SUGCT: variants seen among roughly 807,000 people sequenced by gnomAD.
The protein encoded by SUGCT is succinyl-CoA:glutarate-CoA transferase, also known as succinyl-CoA:glutarate CoA-transferase.
SUGCT carries 41 observed loss-of-function variants against 55.0 expected under a neutral mutation model. That is an observed-to-expected ratio of 0.74 (90% CI 0.58 to 0.97). SUGCT has a LOEUF of 0.97. Ranked by LOEUF, SUGCT falls within the 50% of genes least tolerant of loss-of-function variation. The pLI is 0.00. For missense variants in SUGCT, 568 were observed against 547.8 expected (o/e 1.04, Z -0.37); for synonymous variants, 187 against 200.4 (o/e 0.93, Z 0.56).
chr7:41,004,153 AGAG>A, the SUGCT span, among the ~76,000 whole-genome samples: 1 of 152,182 alleles, frequency 6.6e-6, no homozygotes, highest in Non-Finnish European at 1.5e-5. Context: ...ACTGAACAAA[AGAG>A]GAGGGAGAGG....
rs185622835 is a variant in SUGCT at position 40,146,737 on chromosome 7, C to T, written c.100+11617C>T. On this transcript the variant is annotated intron_variant, in intron 1 of 13. Coordinates refer to ENST00000335693, the MANE Select transcript of SUGCT (RefSeq NM_001193313.2). ...TCCAGTGTGGGCATCAAGGCCATCA[C>T]GAGCATGTCACCGTGCTGCAGAGAT... Among the ~76,000 whole-genome samples, 547 of 152,314 alleles carry T rather than the reference C, an allele frequency of 3.6e-3. 2 individuals are homozygous for T. Among genetic ancestry groups the T allele is most frequent in the African/African-American group, 0.011 (460 of 41,582 alleles).
chr7:40,918,642 G>A, the SUGCT span, among the ~76,000 whole-genome samples: 1 of 152,078 alleles, frequency 6.6e-6, no homozygotes, highest in African/African-American at 2.4e-5. Flanking sequence ...GGAACCCACT[G>A]AGTGAGACCA....
chr7:40,478,275 G>T (rs1356163498), intron 11 of SUGCT, among the ~76,000 whole-genome samples: 1 of 152,096 alleles, frequency 6.6e-6, no homozygotes, highest in South Asian at 2.1e-4. Flanking sequence ...CAAAGCACTG[G>T]AATTATGGGC....
At chr7:40,872,192 T>G in the SUGCT span, among the ~76,000 whole-genome samples, 2 of 152,194 alleles carry the variant, frequency 1.3e-5, no homozygotes, top group East Asian at 3.8e-4. Context: ...AGCTAATCCT[T>G]CAGGTGGGAG....
At chr7:40,917,645 G>T in the SUGCT span, among the ~76,000 whole-genome samples, 2,066 of 152,216 alleles carry the variant, frequency 0.014, 48 homozygotes, top group African/African-American at 0.047. Flanking sequence ...AAACAAACTT[G>T]GTGGCTTATA....
At chr7:40,476,387 A>G (rs1306915788) in intron 11 of SUGCT, among the ~76,000 whole-genome samples, 1 of 151,918 alleles carries the variant, frequency 6.6e-6, no homozygotes, top group Admixed American at 6.6e-5. Flanking sequence ...ATTATCTGCC[A>G]TTTTTTTTAA....
intron 12 of SUGCT, among the ~76,000 whole-genome samples, chr7:40,710,501 T>C (rs1419270757): frequency 6.6e-6 from 1 of 152,132 alleles, no homozygotes; most frequent in Admixed American, 6.6e-5. Context: ...TTTGGAGTTT[T>C]TCATCCACTT....
At chr7:40,563,128 A>G (rs1795933432) in intron 12 of SUGCT, among the ~76,000 whole-genome samples, 1 of 152,092 alleles carries the variant, frequency 6.6e-6, no homozygotes, top group African/African-American at 2.4e-5. Context: ...TCCTCCTCCC[A>G]TGCTTTCTTA....
chr7:40,665,637 T>C (rs1387424797), intron 12 of SUGCT, among the ~76,000 whole-genome samples: 2 of 151,984 alleles, frequency 1.3e-5, no homozygotes, highest in Non-Finnish European at 2.9e-5. Context: ...AGTTTGAGCA[T>C]TCCAGAAGCC....
chr7:40,858,403 C>CAAAAAAAAAA (rs58628576), intron 13 of SUGCT, among the ~76,000 whole-genome samples: 32 of 34,742 alleles, frequency 9.2e-4, no homozygotes, highest in South Asian at 4.9e-3. Flanking sequence ...AATTCCATCT[C>CAAAAAAAAAA]AAAAAAAAAA....
chr7:40,228,946 C>T (rs1788551500), intron 6 of SUGCT, among the ~76,000 whole-genome samples: 2 of 152,150 alleles, frequency 1.3e-5, no homozygotes, highest in Non-Finnish European at 2.9e-5. Context: ...CTCACATTCT[C>T]AGGCCAGTAA....
chr7:40,152,482 G>A (rs1238384095), intron 1 of SUGCT: 1 of 205,414 alleles, frequency 4.9e-6, no homozygotes, highest in East Asian at 1.2e-4. Flanking sequence ...ACAAATTGGG[G>A]TCACCATACA....
chr7:40,986,884 T>TA, the SUGCT span, among the ~76,000 whole-genome samples: 1 of 152,066 alleles, frequency 6.6e-6, no homozygotes, highest in Admixed American at 6.6e-5. Context: ...CCAAAAGAAA[T>TA]AAAAAAACCT....
chr7:40,248,945 C>T (rs1562611614), intron 7 of SUGCT, among the ~76,000 whole-genome samples: 1 of 152,006 alleles, frequency 6.6e-6, no homozygotes, highest in East Asian at 1.9e-4. Context: ...CTCTGTCTCT[C>T]TCTCTCTCAC....
At chr7:40,961,696 G>A in the SUGCT span, among the ~76,000 whole-genome samples, 1 of 152,216 alleles carries the variant, frequency 6.6e-6, no homozygotes, top group Non-Finnish European at 1.5e-5. Context: ...TGTGTCTGGA[G>A]TTTGTTCCTT....
intron 13 of SUGCT, among the ~76,000 whole-genome samples, chr7:40,822,713 A>C (rs1792088389): frequency 6.6e-6 from 1 of 152,106 alleles, no homozygotes; most frequent in Non-Finnish European, 1.5e-5. Context: ...TTTTTACCTT[A>C]CTCACACGTA....
At chr7:40,294,293 CACA>C (rs1793981833) in intron 8 of SUGCT, among the ~76,000 whole-genome samples, 1 of 152,048 alleles carries the variant, frequency 6.6e-6, no homozygotes, top group Non-Finnish European at 1.5e-5. Context: ...ATACAATGAA[CACA>C]ACTGAGGCAA....
At position 40,415,226 on chromosome 7, in the gene SUGCT, T is replaced by C. The variant is rs542989530; in HGVS notation, c.817-34061T>C. Among the ~76,000 whole-genome samples the C allele has an allele frequency of 2.0e-3, 274 of 137,124 alleles. 1 individual carries two copies. The highest frequency in any genetic ancestry group is 4.0e-3 in the Middle Eastern group (1 of 250). The allele number at this position is 137,124 out of a possible 152,430, so 90.0% of individuals were successfully genotyped here. ...CAGAGGTTGCAATGAGCCTCAATGGTGCCACTGCACTCCAACGTGGAGACA... is the reference window on the plus strand; with the variant it reads ...CAGAGGTTGCAATGAGCCTCAATGGCGCCACTGCACTCCAACGTGGAGACA... On this transcript the variant is annotated intron_variant, in intron 9 of 13. Transcript: ENST00000335693.
chr7:40,714,197 G>A (rs1471518072), intron 12 of SUGCT, among the ~76,000 whole-genome samples: 1 of 152,056 alleles, frequency 6.6e-6, no homozygotes, highest in Non-Finnish European at 1.5e-5. Context: ...AGGTGTGTTG[G>A]TGAGCGCCTG....
Sources: gnomAD v4.1 joint callset for allele counts (sites outside exome capture counted in the v4.1 genomes callset) on GRCh38, gnomAD v4.1.1 for gene constraint, MANE v1.5 for transcripts, NCBI Gene and HGNC (gene_info 2026-07-23, HGNC 2026-07-21) for gene names.